CDX4: variants seen among roughly 807,000 people sequenced by gnomAD.
CDX4 encodes caudal type homeobox 4, also known as homeobox protein CDX-4.
In CDX4, 11 loss-of-function variants were observed where a neutral mutation model predicts 14.1. The ratio of observed to expected loss-of-function variants is 0.78; its 90% CI spans 0.49 to 1.29. The LOEUF is 1.29. Among genes scored for constraint, CDX4 ranks in the 50% most tolerant of loss-of-function variants. The probability of loss-of-function intolerance (pLI) is 0.00; values close to 1 mark genes in which losing one functional copy is unlikely to be tolerated. For missense variants in CDX4, 257 were observed against 237.4 expected (o/e 1.08, Z -0.54); for synonymous variants, 100 against 93.5 (o/e 1.07, Z -0.40).
At position 73,453,446 on chromosome X, in the gene CDX4, A is replaced by G. The variant is rs765765356; in HGVS notation, c.503-71A>G. ...AAAGATGAGGGTGGGAAGAGTGTCT[A>G]TGATTTCTTTAACTAAAACAATCTC... is the stretch of plus-strand genomic sequence containing the variant. On this transcript the variant is annotated intron_variant, in intron 1 of 2. Transcript: ENST00000373514. 42 of 913,457 alleles carry G rather than the reference A, an allele frequency of 4.6e-5. No homozygotes were observed. The African/African-American group carries it at 7.8e-4, about 17-fold the overall frequency. The allele number at this position is 913,457 out of a possible 1,213,427, so 75.3% of individuals were successfully genotyped here.
In CDX4 at chrX:73,447,552, A is replaced by G; in HGVS notation, c.299A>G (p.Asp100Gly). 3 of 1,211,231 alleles carry G rather than the reference A, an allele frequency of 2.5e-6. No homozygotes were observed. Among genetic ancestry groups the G allele is most frequent in the Non-Finnish European group, 3.4e-6 (3 of 895,212 alleles). The change falls in exon 1 of 3, where the codon GAC becomes GGC. Residue 100 changes from aspartate (D) to glycine (G), a missense_variant. Coordinates refer to ENST00000373514, the MANE Select transcript of CDX4 (RefSeq NM_005193.2). The part of the protein sequence containing the change: ...SSTMGTVPVN[D>G]VTSSPAAFCS... ...ACAATGGGCACAGTGCCGGTGAACG[A>G]CGTGACCTCTAGCCCCGCCGCTTTC...
In CDX4 at chrX:73,451,805, A is replaced by G. The variant is rs757986155; in HGVS notation, c.503-1712A>G. On this transcript the variant is annotated intron_variant, in intron 1 of 2. Coordinates refer to ENST00000373514, the MANE Select transcript of CDX4 (RefSeq NM_005193.2). ...AAGATTAAGAAGGGTTTTAGAAAAC[A>G]TGATTTCAAAGATACATTTCGATCT... Among the ~76,000 whole-genome samples, 16 of 112,531 alleles carry G rather than the reference A, an allele frequency of 1.4e-4. No homozygotes were observed. In the South Asian group the frequency reaches 5.9e-3, roughly 41 times the overall value.
At chrX:73,449,095 T>C (rs1360593994) in intron 1 of CDX4, among the ~76,000 whole-genome samples, 1 of 110,728 alleles carries the variant, frequency 9.0e-6, no homozygotes, top group Non-Finnish European at 1.9e-5. Context: ...TATGAGTGAG[T>C]CTGTCGACTA....
At chrX:73,453,926 G>A (rs2057097850) in intron 2 of CDX4, among the ~76,000 whole-genome samples, 1 of 111,296 alleles carries the variant, frequency 9.0e-6, no homozygotes, top group African/African-American at 3.3e-5. Context: ...ATACTAATAG[G>A]AAGATAAATT....
In CDX4 at chrX:73,447,471, G is replaced by A; in HGVS notation, c.218G>A (p.Gly73Asp). 1.7e-6 allele frequency: 2 copies of A among 1,211,764 alleles called. No homozygotes were observed. The highest frequency in any genetic ancestry group is 1.8e-5 in the South Asian group (1 of 56,978). Reference protein sequence around the residue: ...DPHWPSLGVWGSPYSPPREDW... With the variant: ...DPHWPSLGVWDSPYSPPREDW... The stretch of plus-strand genomic sequence containing the variant: ...CACTGGCCGTCTCTGGGAGTCTGGG[G>A]CTCACCCTACAGTCCCCCGCGAGAA... The change falls in exon 1 of 3, where the codon GGC (glycine) becomes GAC (aspartate). Residue 73 changes from glycine (G) to aspartate (D), a missense_variant. Coordinates refer to ENST00000373514, the MANE Select transcript of CDX4 (RefSeq NM_005193.2).
intron 2 of CDX4, among the ~76,000 whole-genome samples, chrX:73,453,946 A>G (rs2057097908): frequency 9.0e-6 from 1 of 111,715 alleles, no homozygotes. Context: ...TTTCTATTTT[A>G]TTTTATTAAT....
At chrX:73,453,694 A>G in intron 2 of CDX4, 32 bp downstream of exon 2, 1 of 1,142,942 alleles carries the variant, frequency 8.7e-7, no homozygotes, top group South Asian at 2.0e-5. Context: ...CATGTCCCGT[A>G]TAGTCCATTT....
rs954158540 is a variant in CDX4, at chrX:73,453,681, C to T, written c.648+19C>T. ...GAGACAGGTACACCAGAAGTATATCCAACATGTCCCGTATAGTCCATTTCA... is the reference window on the plus strand; with the variant it reads ...GAGACAGGTACACCAGAAGTATATCTAACATGTCCCGTATAGTCCATTTCA... On this transcript the variant is annotated intron_variant, in intron 2 of 2. Transcript: ENST00000373514. 2.7e-5 allele frequency: 32 copies of T among 1,177,781 alleles called. No individual in the cohort carries two copies. The highest frequency in any genetic ancestry group is 3.6e-5 in the Non-Finnish European group (31 of 870,311).
At chrX:73,451,804 C>G (rs918202233) in intron 1 of CDX4, among the ~76,000 whole-genome samples, 5 of 112,223 alleles carry the variant, frequency 4.5e-5, no homozygotes, top group Admixed American at 1.9e-4. Flanking sequence ...TTTTAGAAAA[C>G]ATGATTTCAA....
intron 1 of CDX4, among the ~76,000 whole-genome samples, chrX:73,450,015 T>C (rs2057082319): frequency 8.9e-6 from 1 of 111,986 alleles, no homozygotes; most frequent in South Asian, 3.7e-4. Context: ...TCCTCCTAAA[T>C]TTTCCACTTC....
In CDX4 at chrX:73,454,755, C is replaced by T. The variant is rs2057101615; in HGVS notation, c.*170C>T. 1 of 430,689 alleles carries T rather than the reference C, an allele frequency of 2.3e-6. No homozygotes were observed. Among genetic ancestry groups the T allele is most frequent in the African/African-American group, 2.5e-5 (1 of 40,102 alleles). The allele number at this position is 430,689 out of a possible 1,213,427, so 35.5% of individuals were successfully genotyped here. On this transcript the variant is annotated 3_prime_UTR_variant, in exon 3 of 3. Coordinates refer to ENST00000373514, the MANE Select transcript of CDX4 (RefSeq NM_005193.2). ...TTTAGGGGACTCTTACTTTTAGAAA[C>T]TATCCCCAGAAAACTCCTGTCACGT...
intron 1 of CDX4, 135 bp from the exon 2 acceptor site, chrX:73,453,382 T>C (rs2057095374): frequency 4.0e-6 from 2 of 494,453 alleles, no homozygotes; most frequent in Admixed American, 9.1e-5. Flanking sequence ...CTTTTATGAA[T>C]ATTTGATTCA....
intron 1 of CDX4, among the ~76,000 whole-genome samples, 186 bp downstream of exon 1, chrX:73,447,941 T>G (rs1238123894): frequency 4.5e-5 from 5 of 112,167 alleles, no homozygotes; most frequent in African/African-American, 1.6e-4. Flanking sequence ...ACTCACTCAC[T>G]GAGTGCAGCG....
At chrX:73,453,389 T>A (rs888644546) in intron 1 of CDX4, 128 bp from the exon 2 acceptor site, 52 of 521,416 alleles carry the variant, frequency 1.0e-4, no homozygotes, top group African/African-American at 9.7e-4. Flanking sequence ...GAATATTTGA[T>A]TCAAAAATAT....
At position 73,447,618 on chromosome X, in the gene CDX4, G is replaced by T; in HGVS notation, c.365G>T (p.Gly122Val). ...AGCAACTTGGGCCCTGTGGGCGGTG[G>T]AACTAGCGGCAGCAGCCTACCAGGC... ...DYSNLGPVGG[G>V]TSGSSLPGQA... Residue 122 changes from glycine to valine, a missense_variant, in exon 1 of 3, where the codon GGA (glycine) becomes GTA (valine). Transcript: ENST00000373514. 8.3e-7 allele frequency: 1 copy of T among 1,211,368 alleles called. No individual in the cohort carries two copies. The highest frequency in any genetic ancestry group is 1.1e-6 in the Non-Finnish European group (1 of 895,409).
In CDX4 at chrX:73,447,344, G is replaced by A; in HGVS notation, c.91G>A (p.Gly31Ser). 8.3e-7 allele frequency: 1 copy of A among 1,211,147 alleles called. No individual in the cohort carries two copies. Among genetic ancestry groups the A allele is most frequent in the African/African-American group, 1.7e-5 (1 of 57,718 alleles). ...PGGDGTAGTGGTGGGGSPMPA... is the reference protein window; with the variant it reads ...PGGDGTAGTGSTGGGGSPMPA... The stretch of plus-strand genomic sequence containing the variant: ...GGGCGACGGCACAGCTGGGACAGGC[G>A]GCACAGGGGGCGGTGGGAGTCCGAT... Residue 31 changes from glycine (G) to serine (S), a missense_variant, in exon 1 of 3, where the codon GGC (glycine) becomes AGC (serine). Physicochemically the swap from Gly to Ser is moderately conservative, Grantham distance 56 (BLOSUM62 0). Coordinates refer to ENST00000373514, the MANE Select transcript of CDX4 (RefSeq NM_005193.2).
intron 1 of CDX4, among the ~76,000 whole-genome samples, chrX:73,449,516 C>G (rs2057080801): frequency 9.0e-6 from 1 of 111,652 alleles, no homozygotes; most frequent in Non-Finnish European, 1.9e-5. Flanking sequence ...GCTAAACCCT[C>G]AAACCTGACT....
rs754107817 is a variant in CDX4 at position 73,454,550 on chromosome X, C to T, written c.820C>T (p.Pro274Ser). 4 of 1,209,332 alleles carry T rather than the reference C, an allele frequency of 3.3e-6. No individual in the cohort carries two copies. The highest frequency in any genetic ancestry group is 4.5e-6 in the Non-Finnish European group (4 of 893,687). The part of the protein sequence containing the change: ...TTPSAVRGFQ[P>S]IEIQQVIVSE Reference sequence around the variant, plus strand: ...ACCATCTGCTGTTCGTGGATTTCAACCTATTGAGATACAGCAGGTTATAGT... The same window carrying T: ...ACCATCTGCTGTTCGTGGATTTCAATCTATTGAGATACAGCAGGTTATAGT... Residue 274 changes from proline to serine, a missense_variant, in exon 3 of 3, where the codon CCT (proline) becomes TCT (serine). Transcript: ENST00000373514.
In CDX4 at chrX:73,447,536, A is replaced by G. The variant is rs748215000; in HGVS notation, c.283A>G (p.Thr95Ala). The G allele has an allele frequency of 1.7e-6, 2 of 1,211,523 alleles. No individual in the cohort carries two copies. Among genetic ancestry groups the G allele is most frequent in the Admixed American group, 2.2e-5 (1 of 46,092 alleles). ...TCCTGGGCCGTCTAGTACAATGGGC[A>G]CAGTGCCGGTGAACGACGTGACCTC... ...VYPGPSSTMG[T>A]VPVNDVTSSP... Residue 95 changes from threonine (T) to alanine (A), a missense_variant, in exon 1 of 3, where the codon ACA becomes GCA. By Grantham distance (58) the Thr-to-Ala change is moderately conservative. Transcript: ENST00000373514.
Sources: gnomAD v4.1 joint callset for allele counts (sites outside exome capture counted in the v4.1 genomes callset) on GRCh38, gnomAD v4.1.1 for gene constraint, MANE v1.5 for transcripts, NCBI Gene and HGNC (gene_info 2026-07-23, HGNC 2026-07-21) for gene names.